The following ACOXL variants were observed in gnomAD, a reference collection of about 807,000 sequenced individuals.
The protein encoded by ACOXL is acyl-coenzyme A oxidase-like protein.
ACOXL carries 70 observed loss-of-function variants against 71.9 expected under a neutral mutation model. The ratio of observed to expected loss-of-function variants is 0.97; its 90% CI spans 0.80 to 1.19. ACOXL has a LOEUF of 1.19. ACOXL is among the 50% of genes most tolerant of loss of function. The probability of loss-of-function intolerance (pLI) is 0.00; values close to 1 mark genes in which losing one functional copy is unlikely to be tolerated. For synonymous variants in ACOXL, 253 were observed against 281.6 expected, an observed-to-expected ratio of 0.90 and a Z score of 1.02; for missense variants, 703 against 736.3, an observed-to-expected ratio of 0.95 and a Z score of 0.52.
At chr2:110,784,623 GTGTT>G (rs1683727982) in intron 2 of ACOXL, 105 bp from the exon 3 acceptor site, 1 of 772,468 alleles carries the variant, frequency 1.3e-6, no homozygotes, top group African/African-American at 1.8e-5. Context: ...TGCTTTTACT[GTGTT>G]TATTTTTTAT....
chr2:110,806,369 A>G (rs1057131963), intron 9 of ACOXL, among the ~76,000 whole-genome samples: 13 of 152,176 alleles, frequency 8.5e-5, no homozygotes, highest in African/African-American at 2.9e-4. Flanking sequence ...GTGGGTGTTC[A>G]GGTCTGAAGT....
chr2:110,916,239 CT>C (rs147892373), intron 11 of ACOXL, among the ~76,000 whole-genome samples: 11,818 of 148,212 alleles, frequency 0.08, 1,033 homozygotes, highest in African/African-American at 0.22. Flanking sequence ...TTGTGGCTTC[CT>C]TTTTTTTTTC....
chr2:110,939,666 A>G (rs1574206987), intron 12 of ACOXL, among the ~76,000 whole-genome samples: 2 of 152,370 alleles, frequency 1.3e-5, no homozygotes, highest in Middle Eastern at 6.8e-3. Flanking sequence ...TTTGGGAATC[A>G]AGTATTTAAA....
chr2:110,783,694 C>A (rs1683607301), intron 2 of ACOXL, among the ~76,000 whole-genome samples: 1 of 152,138 alleles, frequency 6.6e-6, no homozygotes, highest in South Asian at 2.1e-4. Flanking sequence ...TACATGGACA[C>A]ATGTGCACAC....
chr2:110,795,066 T>C (rs1685125892), intron 5 of ACOXL, among the ~76,000 whole-genome samples: 1 of 152,232 alleles, frequency 6.6e-6, no homozygotes, highest in Admixed American at 6.5e-5. Context: ...TGAGGTACTT[T>C]CTAGAAATGA....
intron 10 of ACOXL, among the ~76,000 whole-genome samples, chr2:110,843,127 G>A (rs868609222): frequency 1.2e-4 from 18 of 152,332 alleles, no homozygotes; most frequent in South Asian, 4.1e-4. Context: ...TCTTTTTCTA[G>A]AATGTTCTCA....
At chr2:110,956,118 A>G (rs955675995) in intron 12 of ACOXL, among the ~76,000 whole-genome samples, 14 of 151,952 alleles carry the variant, frequency 9.2e-5, no homozygotes, top group Non-Finnish European at 2.9e-5. Context: ...TATTTTTAGT[A>G]GAGACGGGTT....
intron 16 of ACOXL, among the ~76,000 whole-genome samples, chr2:111,052,858 C>G (rs944118510): frequency 2.2e-4 from 33 of 152,132 alleles, no homozygotes; most frequent in Admixed American, 7.2e-4. Context: ...TCCCACCCCC[C>G]CAATCTAGGA....
intron 12 of ACOXL, among the ~76,000 whole-genome samples, chr2:110,976,485 T>C (rs1173399134): frequency 6.6e-6 from 1 of 152,214 alleles, no homozygotes; most frequent in Admixed American, 6.5e-5. Flanking sequence ...TATGAGGCAA[T>C]ATAAAGACAG....
intron 1 of ACOXL, among the ~76,000 whole-genome samples, chr2:110,755,556 C>G (rs1028343896): frequency 6.6e-6 from 1 of 152,150 alleles, no homozygotes; most frequent in African/African-American, 2.4e-5. Flanking sequence ...AGATTGTCAC[C>G]TGTTTGCTCG....
At chr2:110,894,162 CACA>C (rs1455703678) in intron 10 of ACOXL, among the ~76,000 whole-genome samples, 1 of 151,944 alleles carries the variant, frequency 6.6e-6, no homozygotes, top group African/African-American at 2.4e-5. Flanking sequence ...CTATTCCTCC[CACA>C]ACAACTAAAA....
intron 1 of ACOXL, among the ~76,000 whole-genome samples, chr2:110,761,339 G>T (rs1680378795): frequency 6.6e-6 from 1 of 152,004 alleles, no homozygotes; most frequent in Admixed American, 6.5e-5. Context: ...CCCATTGACT[G>T]GTTCTGAGAA....
intron 1 of ACOXL, among the ~76,000 whole-genome samples, chr2:110,757,558 A>C (rs568983527): frequency 3.6e-4 from 55 of 152,116 alleles, no homozygotes; most frequent in Non-Finnish European, 6.0e-4. Context: ...CCTCGCCGGC[A>C]TCTGTTGTTT....
intron 15 of ACOXL, among the ~76,000 whole-genome samples, chr2:111,040,351 T>G (rs1355369104): frequency 6.6e-6 from 1 of 152,140 alleles, no homozygotes. Context: ...GCATGAAAAA[T>G]AAACCTTGTA....
intron 11 of ACOXL, among the ~76,000 whole-genome samples, chr2:110,919,920 G>A (rs1308723602): frequency 2.6e-5 from 4 of 152,120 alleles, no homozygotes; most frequent in East Asian, 1.9e-4. Flanking sequence ...AGTAGTATTC[G>A]TAGTATTCCA....
intron 17 of ACOXL, 38 bp from the exon 18 acceptor site, chr2:111,117,578 C>T (rs2070450366): frequency 1.9e-6 from 3 of 1,548,644 alleles, no homozygotes; most frequent in Non-Finnish European, 2.6e-6. Flanking sequence ...TGTAAGTGTG[C>T]CAACATCTGA....
rs577399214 is a variant in ACOXL, at chr2:110,979,817, A to C, written c.1060-7291A>C. Among the ~76,000 whole-genome samples, 6 of 152,286 alleles carry C rather than the reference A, an allele frequency of 3.9e-5. No individual in the cohort carries two copies. The East Asian group carries it at 1.2e-3, about 29-fold the overall frequency. On this transcript the variant is annotated intron_variant, in intron 12 of 17. Transcript: ENST00000439055. The stretch of plus-strand genomic sequence containing the variant: ...AACGGAGGGCCTTTGCCCCTTTCCA[A>C]GGGGGCTGTAACCTCTCCTCAGCTC...
At position 110,801,719 on chromosome 2, in the gene ACOXL, G is replaced by A. The variant is rs760791943; in HGVS notation, c.615G>A (p.Leu205=). ...DKVRIPRENL[L]DKFGSVAPDG... is the part of the protein sequence containing the mutation. Reference sequence around the variant, plus strand: ...TTCGGATACCCAGGGAGAACCTGCTGGATAAGTGAGTAGTTTCTCCTTAAC... The same window carrying A: ...TTCGGATACCCAGGGAGAACCTGCTAGATAAGTGAGTAGTTTCTCCTTAAC... Residue 205 remains leucine, a synonymous_variant, in exon 8 of 18, where the codon CTG becomes CTA. Coordinates refer to ENST00000439055, the MANE Select transcript of ACOXL (RefSeq NM_001142807.4). 1.2e-6 allele frequency: 2 copies of A among 1,613,568 alleles called. No homozygotes were observed. The highest frequency in any genetic ancestry group is 1.7e-6 in the Non-Finnish European group (2 of 1,179,604).
intron 10 of ACOXL, among the ~76,000 whole-genome samples, chr2:110,892,722 A>G (rs575142045): frequency 1.3e-5 from 2 of 152,326 alleles, no homozygotes; most frequent in Admixed American, 6.5e-5. Context: ...GAAAAAAGCT[A>G]TATCCAGGGA....
Sources: gnomAD v4.1 joint callset for allele counts (sites outside exome capture counted in the v4.1 genomes callset) on GRCh38, gnomAD v4.1.1 for gene constraint, MANE v1.5 for transcripts, NCBI Gene and HGNC (gene_info 2026-07-23, HGNC 2026-07-21) for gene names.